The following SH3PXD2B variants were observed in gnomAD, a reference collection of about 807,000 sequenced individuals.
The protein encoded by SH3PXD2B is SH3 and PX domain-containing protein 2B.
In SH3PXD2B, 37 loss-of-function variants were observed where a neutral mutation model predicts 73.1. The observed-to-expected ratio is 0.51, with a 90% confidence interval of 0.39 to 0.67. The LOEUF (loss-of-function observed/expected upper bound fraction) is 0.67. Ranked by LOEUF, SH3PXD2B falls within the 30% of genes least tolerant of loss-of-function variation. SH3PXD2B has a pLI of 0.00. For missense variants in SH3PXD2B, 1,053 were observed against 1,197.8 expected, an observed-to-expected ratio of 0.88 and a Z score of 1.78; for synonymous variants, 457 against 480.5, an observed-to-expected ratio of 0.95 and a Z score of 0.64.
chr5:172,329,212 C>T (rs1756507812), downstream of SH3PXD2B, among the ~76,000 whole-genome samples: 1 of 149,650 alleles, frequency 6.7e-6, no homozygotes. Flanking sequence ...TCCTGAGTAG[C>T]TGGGACTACA....
intron 8 of SH3PXD2B, among the ~76,000 whole-genome samples, chr5:172,358,177 G>C (rs909974773): frequency 6.6e-6 from 1 of 152,222 alleles, no homozygotes; most frequent in Non-Finnish European, 1.5e-5. Context: ...CTGCTGATGA[G>C]TGAAGTGAAC....
intron 8 of SH3PXD2B, among the ~76,000 whole-genome samples, chr5:172,355,918 G>T (rs1404297208): frequency 6.6e-6 from 1 of 152,150 alleles, no homozygotes; most frequent in Admixed American, 6.5e-5. Flanking sequence ...CACAGCAGAG[G>T]GTGGAAGACC....
At position 172,338,236 on chromosome 5, in the gene SH3PXD2B, G is replaced by C; in HGVS notation, c.*133C>G. The C allele has an allele frequency of 3.2e-6, 5 of 1,561,372 alleles. No homozygotes were observed. In the South Asian group the frequency reaches 3.5e-5, roughly 11 times the overall value. On this transcript the variant is annotated 3_prime_UTR_variant, in exon 13 of 13. Transcript: ENST00000311601. This position sits in a 1 kb window ranked among gnomAD's most constrained non-coding sequence, Gnocchi z 5.1. The stretch of plus-strand genomic sequence containing the variant: ...CGAAACTCACTCTCCACCCATGGGA[G>C]GCAAGAAGTCACAGTACCCCAGAGT...
rs1323702417 is a variant in SH3PXD2B at position 172,387,041 on chromosome 5, T to A, written c.310-4914A>T. ...AGCCAGTCTCATAATCTGAAGAAGT[T>A]CAAAAAGTGAGTTGAAGAAAAATAT... On this transcript the variant is annotated intron_variant, in intron 4 of 12. Coordinates refer to ENST00000311601, the MANE Select transcript of SH3PXD2B (RefSeq NM_001017995.3). Among the ~76,000 whole-genome samples, 6 of 152,140 alleles carry A rather than the reference T, an allele frequency of 3.9e-5. No homozygotes were observed. The East Asian group carries it at 7.7e-4, about 19-fold the overall frequency.
chr5:172,443,524 C>A (rs115399772), intron 1 of SH3PXD2B, among the ~76,000 whole-genome samples: 1 of 152,202 alleles, frequency 6.6e-6, no homozygotes, highest in Non-Finnish European at 1.5e-5. Context: ...CAGGCCCTGT[C>A]GCAGCCCTTA....
At position 172,346,730 on chromosome 5, in the gene SH3PXD2B, C is replaced by T. The variant is rs780720750; in HGVS notation, c.1063-469G>A. ...AAATTAGTTAATGTTGTGAGGCAATCGGCACGCTGCATGGCACGCAACAGG... is the reference window on the plus strand; with the variant it reads ...AAATTAGTTAATGTTGTGAGGCAATTGGCACGCTGCATGGCACGCAACAGG... On this transcript the variant is annotated intron_variant, in intron 11 of 12. Transcript: ENST00000311601. Among the ~76,000 whole-genome samples, 19 of 151,886 alleles carry T rather than the reference C, an allele frequency of 1.3e-4. 1 individual carries two copies. The highest frequency in any genetic ancestry group is 2.2e-4 in the Non-Finnish European group (15 of 67,996).
chr5:172,329,607 G>A (rs573028768), downstream of SH3PXD2B, among the ~76,000 whole-genome samples: 38 of 141,488 alleles, frequency 2.7e-4, 1 homozygote, highest in African/African-American at 9.6e-4. Flanking sequence ...GCGCGATCTC[G>A]GCTCACTGCA....
intron 2 of SH3PXD2B, among the ~76,000 whole-genome samples, chr5:172,415,323 T>G (rs989232190): frequency 6.6e-6 from 1 of 152,152 alleles, no homozygotes; most frequent in African/African-American, 2.4e-5. Flanking sequence ...ACTCTGCCTG[T>G]ATCTTAGAGG....
Position 172,335,327 on chromosome 5 carries a change from G to A in SH3PXD2B, c.*3042C>T, listed in dbSNP as rs2113237325. ...TGTGAGCAAGGGGCGGGGGGAAGAG[G>A]CACCGAAATTCAGAGGGAGGGTCAC... On this transcript the variant is annotated 3_prime_UTR_variant, in exon 13 of 13. Coordinates refer to ENST00000311601, the MANE Select transcript of SH3PXD2B (RefSeq NM_001017995.3). 2 of 1,191,648 alleles carry A rather than the reference G, an allele frequency of 1.7e-6. No individual in the cohort carries two copies. The highest frequency in any genetic ancestry group is 2.1e-6 in the Non-Finnish European group (2 of 963,130). 73.8% of individuals were successfully genotyped at this position (1,191,648 alleles called of 1,614,324 possible). A position where few individuals can be genotyped will look rare whatever the true frequency, so the allele number is the denominator to read the frequency against.
chr5:172,429,719 C>T (rs1396544400), intron 1 of SH3PXD2B, among the ~76,000 whole-genome samples: 1 of 152,156 alleles, frequency 6.6e-6, no homozygotes, highest in Non-Finnish European at 1.5e-5. Flanking sequence ...AGCCAGCAGG[C>T]CAGGCTAACA....
intron 10 of SH3PXD2B, 110 bp from the exon 11 acceptor site, chr5:172,347,442 A>G: frequency 9.1e-7 from 1 of 1,098,180 alleles, no homozygotes; most frequent in Non-Finnish European, 1.4e-6. Flanking sequence ...AGGCGTCTGC[A>G]TGCTGCTGCA....
At chr5:172,425,467 C>A (rs908262214) in intron 1 of SH3PXD2B, among the ~76,000 whole-genome samples, 1 of 152,028 alleles carries the variant, frequency 6.6e-6, no homozygotes, top group African/African-American at 2.4e-5. Flanking sequence ...AACCTTTGAA[C>A]TGAGATCTGA....
intron 6 of SH3PXD2B, among the ~76,000 whole-genome samples, chr5:172,366,646 T>G (rs931597961): frequency 1.3e-5 from 2 of 152,038 alleles, no homozygotes; most frequent in Non-Finnish European, 2.9e-5. Context: ...ATTTATTTAT[T>G]TTTTTGAGAC....
In SH3PXD2B at chr5:172,385,147, C is replaced by T. The variant is rs77015431; in HGVS notation, c.310-3020G>A. 2.5e-3 allele frequency among the ~76,000 whole-genome samples: 387 copies of T among 152,252 alleles called. 3 individuals carry two copies. Among genetic ancestry groups the T allele is most frequent in the African/African-American group, 8.8e-3 (365 of 41,516 alleles). On this transcript the variant is annotated intron_variant, in intron 4 of 12. Transcript: ENST00000311601. Reference sequence around the variant, plus strand: ...CTGGATGAGCTGCTGTCTGCTCCCCCCTCCCCATGGGCCTCTTTTTCCTCT... The same window carrying T: ...CTGGATGAGCTGCTGTCTGCTCCCCTCTCCCCATGGGCCTCTTTTTCCTCT...
chr5:172,442,848 G>A (rs994561243), intron 1 of SH3PXD2B, among the ~76,000 whole-genome samples: 3 of 152,182 alleles, frequency 2.0e-5, no homozygotes, highest in Non-Finnish European at 4.4e-5. Flanking sequence ...GGAAACTGAA[G>A]CACGGAGAGG....
chr5:172,330,266 T>C (rs1386432334), downstream of SH3PXD2B, among the ~76,000 whole-genome samples: 1 of 152,156 alleles, frequency 6.6e-6, no homozygotes, highest in Non-Finnish European at 1.5e-5. Flanking sequence ...AACTCCAAGG[T>C]AGAGCAATAG....
intron 1 of SH3PXD2B, among the ~76,000 whole-genome samples, chr5:172,437,006 T>G (rs546936940): frequency 6.6e-6 from 1 of 152,128 alleles, no homozygotes; most frequent in Non-Finnish European, 1.5e-5. Flanking sequence ...CCACACTGGC[T>G]GGGTTCCCAG....
chr5:172,346,676 G>A (rs566341985), intron 11 of SH3PXD2B, among the ~76,000 whole-genome samples: 11 of 152,226 alleles, frequency 7.2e-5, no homozygotes, highest in African/African-American at 2.6e-4. Flanking sequence ...GCATAACAGT[G>A]TCTACCTGGT....
Position 172,421,637 on chromosome 5 carries a change from G to A in SH3PXD2B, c.156+779C>T, listed in dbSNP as rs1315326850. On this transcript the variant is annotated intron_variant, in intron 2 of 12. Coordinates refer to ENST00000311601, the MANE Select transcript of SH3PXD2B (RefSeq NM_001017995.3). This position sits in a 1 kb window ranked among gnomAD's most constrained non-coding sequence, Gnocchi z 4.0. Reference sequence around the variant, plus strand: ...AGGCAAGGTTTCCTAGGGGATGAGAGTCCTGAAGGGCAGAAGGGGTTACTG... The same window carrying A: ...AGGCAAGGTTTCCTAGGGGATGAGAATCCTGAAGGGCAGAAGGGGTTACTG... Among the ~76,000 whole-genome samples the A allele has an allele frequency of 6.6e-6, 1 of 152,208 alleles. No homozygotes were observed. Among genetic ancestry groups the A allele is most frequent in the Non-Finnish European group, 1.5e-5 (1 of 68,040 alleles).
Sources: allele counts gnomAD v4.1 joint callset (sites outside exome capture counted in the v4.1 genomes callset), GRCh38; gene constraint gnomAD v4.1.1; non-coding constraint Gnocchi (gnomAD v3.1); transcripts MANE v1.5; gene names NCBI Gene and HGNC (gene_info 2026-07-23, HGNC 2026-07-21).